TMEM150C: variants seen among roughly 807,000 people sequenced by gnomAD.
TMEM150C encodes tentonin 3.
TMEM150C carries 10 observed loss-of-function variants against 29.9 expected under a neutral mutation model. That is an observed-to-expected ratio of 0.33 (90% CI 0.21 to 0.57). The LOEUF (loss-of-function observed/expected upper bound fraction) is 0.57. Among genes scored for constraint, TMEM150C ranks in the 20% least tolerant of loss-of-function variants. The pLI, the probability that TMEM150C is intolerant of heterozygous loss-of-function variation, is 0.88. For synonymous variants in TMEM150C, 101 were observed against 112.5 expected (o/e 0.90, Z 0.64); for missense variants, 251 against 303.6 (o/e 0.83, Z 1.29).
At chr4:82,533,420 AT>A in intron 1 of TMEM150C, among the ~76,000 whole-genome samples, 1 of 152,240 alleles carries the variant, frequency 6.6e-6, no homozygotes. Context: ...ACTGATAAGC[AT>A]ATCTCCAAAA....
chr4:82,489,918 T>A, intron 7 of TMEM150C, 143 bp downstream of exon 7: 2 of 769,340 alleles, frequency 2.6e-6, no homozygotes, highest in Non-Finnish European at 4.0e-6. Context: ...GTCTGAGGGT[T>A]TTTGTTTTTA....
intron 1 of TMEM150C, among the ~76,000 whole-genome samples, chr4:82,520,866 C>A (rs1356636493): frequency 1.3e-5 from 2 of 152,262 alleles, no homozygotes; most frequent in Non-Finnish European, 2.9e-5. Context: ...CAAAGTGAGA[C>A]CCTGTCTCTA....
At chr4:82,514,158 G>A (rs1038258708) in intron 1 of TMEM150C, among the ~76,000 whole-genome samples, 3 of 152,234 alleles carry the variant, frequency 2.0e-5, no homozygotes, top group Non-Finnish European at 2.9e-5. Flanking sequence ...GCATGAGCAA[G>A]GGCTCTCCTG....
intron 1 of TMEM150C, among the ~76,000 whole-genome samples, chr4:82,508,456 C>T (rs1724008949): frequency 6.6e-6 from 1 of 151,450 alleles, no homozygotes; most frequent in African/African-American, 2.4e-5. Flanking sequence ...TGTATCTTTA[C>T]ATTCTGAATT....
chr4:82,550,488 T>A (rs28534693), intron 1 of TMEM150C, among the ~76,000 whole-genome samples: 19,142 of 151,760 alleles, frequency 0.13, 1,547 homozygotes, highest in African/African-American at 0.22. Flanking sequence ...AAAAAATAGA[T>A]TGAGGAGTAG....
At chr4:82,510,757 C>A (rs1040506938) in intron 1 of TMEM150C, among the ~76,000 whole-genome samples, 4 of 152,132 alleles carry the variant, frequency 2.6e-5, no homozygotes, top group African/African-American at 9.7e-5. Context: ...GTTTTTCATT[C>A]TGCTCTCAGG....
intron 6 of TMEM150C, chr4:82,494,691 C>G (rs781087840): frequency 3.6e-5 from 8 of 223,606 alleles, no homozygotes; most frequent in Non-Finnish European, 7.2e-5. Flanking sequence ...GTAACACCCT[C>G]GCACATTTAA....
intron 1 of TMEM150C, among the ~76,000 whole-genome samples, chr4:82,558,205 T>C (rs1412487886): frequency 6.6e-6 from 1 of 152,182 alleles, no homozygotes; most frequent in Non-Finnish European, 1.5e-5. Context: ...TGGTAGCCAC[T>C]AGCCTCATGT....
Position 82,488,610 on chromosome 4 carries a change from CTTTTA to C in TMEM150C, c.541+1446_541+1450del, listed in dbSNP as rs536660612. Reference sequence around the variant, plus strand: ...GAGTGAACACTTCTTTTATTTTTGCCTTTTATTTTATTTTATTTTTTGAGTCAGGG... The same window carrying C: ...GAGTGAACACTTCTTTTATTTTTGCCTTTTATTTTATTTTTTGAGTCAGGG... On this transcript the variant is annotated intron_variant, in intron 7 of 7. Transcript: ENST00000449862. 6.2e-3 allele frequency among the ~76,000 whole-genome samples: 937 copies of C among 151,852 alleles called. 14 individuals are homozygous for C. Among genetic ancestry groups the C allele is most frequent in the African/African-American group, 0.021 (875 of 41,420 alleles).
At chr4:82,491,927 C>G (rs919542467) in intron 6 of TMEM150C, among the ~76,000 whole-genome samples, 7 of 149,946 alleles carry the variant, frequency 4.7e-5, no homozygotes, top group African/African-American at 1.7e-4. Flanking sequence ...TGTAATGTGA[C>G]TAATTCTTGT....
chr4:82,489,773 T>A (rs1315979099), intron 7 of TMEM150C, among the ~76,000 whole-genome samples: 1 of 152,174 alleles, frequency 6.6e-6, no homozygotes, highest in African/African-American at 2.4e-5. Context: ...ATTCTCTGAT[T>A]TTCACAAATA....
intron 1 of TMEM150C, among the ~76,000 whole-genome samples, chr4:82,534,094 AT>A (rs1724933701): frequency 7.4e-6 from 1 of 135,072 alleles, no homozygotes; most frequent in African/African-American, 3.7e-5. Flanking sequence ...AAAACTTAGA[AT>A]ATAAAGAAAG....
chr4:82,535,522 C>G (rs1007071579), intron 1 of TMEM150C, among the ~76,000 whole-genome samples: 3 of 152,122 alleles, frequency 2.0e-5, no homozygotes, highest in Non-Finnish European at 4.4e-5. Context: ...GGTGGGGAAG[C>G]CACAGGTACA....
Position 82,484,620 on chromosome 4 carries a change from AG to A in TMEM150C, c.*890del, listed in dbSNP as rs1259367068. The A allele has an allele frequency of 1.3e-5, 2 of 152,108 alleles. No homozygotes were observed. Among genetic ancestry groups the A allele is most frequent in the African/African-American group, 2.4e-5 (1 of 41,424 alleles). 9.4% of individuals were successfully genotyped at this position (152,108 alleles called of 1,614,324 possible). A position where few individuals can be genotyped will look rare whatever the true frequency, so the allele number is the denominator to read the frequency against. On this transcript the variant is annotated 3_prime_UTR_variant, in exon 8 of 8. Coordinates refer to ENST00000449862, the MANE Select transcript of TMEM150C (RefSeq NM_001080506.3). ...CCCACGTAAGCCTGCAGGTGACCTCAGTTTTTCTTTGATCATGGTTGAACCC... is the reference window on the plus strand; with the variant it reads ...CCCACGTAAGCCTGCAGGTGACCTCATTTTTCTTTGATCATGGTTGAACCC...
At chr4:82,518,850 ATTC>A (rs1724382050) in intron 1 of TMEM150C, among the ~76,000 whole-genome samples, 3 of 152,214 alleles carry the variant, frequency 2.0e-5, no homozygotes, top group South Asian at 2.1e-4. Flanking sequence ...CTGAGAGAAT[ATTC>A]TTCTTTTAGA....
chr4:82,493,125 T>A (rs1267170503), intron 6 of TMEM150C, among the ~76,000 whole-genome samples: 1 of 151,562 alleles, frequency 6.6e-6, no homozygotes, highest in Non-Finnish European at 1.5e-5. Flanking sequence ...CTTCAGATGT[T>A]TTGTTGTTTG....
At chr4:82,524,102 C>CAAAAAA (rs75621252) in intron 1 of TMEM150C, among the ~76,000 whole-genome samples, 2 of 109,516 alleles carry the variant, frequency 1.8e-5, no homozygotes, top group African/African-American at 6.2e-5. Context: ...ACTAAAAATA[C>CAAAAAA]AAAAAAAAAA....
At chr4:82,548,217 A>G (rs1725449333) in intron 1 of TMEM150C, among the ~76,000 whole-genome samples, 1 of 152,168 alleles carries the variant, frequency 6.6e-6, no homozygotes, top group Admixed American at 6.5e-5. Flanking sequence ...CTGAAAAACT[A>G]ACTATTGGGT....
chr4:82,556,170 G>A (rs1352677082), intron 1 of TMEM150C, among the ~76,000 whole-genome samples: 1 of 152,084 alleles, frequency 6.6e-6, no homozygotes, highest in Non-Finnish European at 1.5e-5. Context: ...TAGAGACGGG[G>A]TTTTGCCATG....
Sources: allele counts gnomAD v4.1 joint callset (sites outside exome capture counted in the v4.1 genomes callset), GRCh38; gene constraint gnomAD v4.1.1; transcripts MANE v1.5; gene names NCBI Gene and HGNC (gene_info 2026-07-23, HGNC 2026-07-21).